Variants in SBF2 observed in about 807,000 individuals in gnomAD.
SBF2 encodes SET binding factor 2, also known as myotubularin-related protein 13.
Under a neutral mutation model 225.2 loss-of-function variants are expected in SBF2, and 112 were observed. The ratio of observed to expected loss-of-function variants is 0.50; its 90% CI spans 0.43 to 0.58. SBF2 has a LOEUF of 0.58. Among genes scored for constraint, SBF2 ranks in the 20% least tolerant of loss-of-function variants. SBF2 has a pLI of 0.00. For synonymous variants in SBF2, 763 were observed against 773.3 expected (o/e 0.99, Z 0.22); for missense variants, 1,996 against 2,206.2 (o/e 0.90, Z 1.91).
chr11:10,190,668 G>T (rs1809236872), intron 2 of SBF2, among the ~76,000 whole-genome samples: 1 of 152,124 alleles, frequency 6.6e-6, no homozygotes. Flanking sequence ...CATCAATTAT[G>T]TGTTCCCTGG....
At chr11:10,173,071 TC>T (rs1956276066) in intron 2 of SBF2, among the ~76,000 whole-genome samples, 1 of 152,262 alleles carries the variant, frequency 6.6e-6, no homozygotes, top group Non-Finnish European at 1.5e-5. Context: ...TTTATTGATG[TC>T]TAGTTCTATT....
chr11:9,845,997 T>C (rs150953140), intron 23 of SBF2, among the ~76,000 whole-genome samples: 1 of 152,320 alleles, frequency 6.6e-6, no homozygotes, highest in African/African-American at 2.4e-5. Context: ...TACAATGGGA[T>C]AGGGAATTGT....
chr11:9,865,872 A>G (rs927088994), intron 17 of SBF2, among the ~76,000 whole-genome samples: 1 of 152,078 alleles, frequency 6.6e-6, no homozygotes, highest in Non-Finnish European at 1.5e-5. Context: ...TAACTATTGT[A>G]TGGAATTCCA....
At chr11:10,301,154 C>A (rs1249589483) in intron 1 of SBF2, among the ~76,000 whole-genome samples, 1 of 152,148 alleles carries the variant, frequency 6.6e-6, no homozygotes, top group Non-Finnish European at 1.5e-5. Flanking sequence ...GGTTAACTGT[C>A]CTCCTTGCCC....
chr11:9,843,592 C>G (rs1336586279), intron 24 of SBF2, among the ~76,000 whole-genome samples: 1 of 152,194 alleles, frequency 6.6e-6, no homozygotes, highest in Non-Finnish European at 1.5e-5. Flanking sequence ...TTCTCTATCA[C>G]AAAGAACTCT....
rs576194706 is a variant in SBF2 at position 10,003,135 on chromosome 11, A to G, written c.620-446T>C. 3.2e-4 allele frequency among the ~76,000 whole-genome samples: 48 copies of G among 152,320 alleles called. No homozygotes were observed. The Middle Eastern group carries it at 0.01, about 32-fold the overall frequency. Reference sequence around the variant, plus strand: ...TCTACTTCTTGTAAACAGCATACACAAATGCTCCGCAATTTAATGATAGGG... The same window carrying G: ...TCTACTTCTTGTAAACAGCATACACGAATGCTCCGCAATTTAATGATAGGG... On this transcript the variant is annotated intron_variant, in intron 6 of 39. Transcript: ENST00000256190.
chr11:10,113,033 G>A (rs996837591), intron 2 of SBF2, among the ~76,000 whole-genome samples: 1 of 152,066 alleles, frequency 6.6e-6, no homozygotes, highest in Non-Finnish European at 1.5e-5. Context: ...TCACTCTGTT[G>A]CCCAGGCTGT....
At chr11:9,922,116 C>T (rs557094651) in intron 16 of SBF2, among the ~76,000 whole-genome samples, 6 of 151,946 alleles carry the variant, frequency 3.9e-5, no homozygotes, top group African/African-American at 7.3e-5. Flanking sequence ...CATGGTGGTG[C>T]GCACCTGCAG....
intron 2 of SBF2, among the ~76,000 whole-genome samples, chr11:10,165,347 T>A (rs1032704832): frequency 6.6e-6 from 1 of 152,174 alleles, no homozygotes; most frequent in Non-Finnish European, 1.5e-5. Context: ...TTAGATCAAC[T>A]TTACATTATC....
chr11:10,278,987 G>C (rs1386720658), intron 1 of SBF2, among the ~76,000 whole-genome samples: 1 of 150,676 alleles, frequency 6.6e-6, no homozygotes, highest in African/African-American at 2.4e-5. Context: ...TAATCTCAGC[G>C]CTTTGGGTGG....
Position 9,790,603 on chromosome 11 carries a change from T to C in SBF2, c.4651A>G (p.Arg1551Gly), listed in dbSNP as rs1268246724. The part of the protein sequence containing the change: ...IWECIDRMHK[R>G]SPIFFNYLYS... ...AAATAATTAAAGAAAATGGGACTCC[T>C]CTTGTGCATTCTGTCAATACATTCC... Residue 1551 changes from arginine to glycine, a missense_variant, in exon 34 of 40, where the codon AGG becomes GGG. Arg to Gly is a moderately radical substitution (Grantham distance 125). Transcript: ENST00000256190. 1 of 1,587,756 alleles carries C rather than the reference T, an allele frequency of 6.3e-7. No individual in the cohort carries two copies. Among genetic ancestry groups the C allele is most frequent in the Non-Finnish European group, 8.6e-7 (1 of 1,157,080 alleles).
rs7947210 is a variant in SBF2, at chr11:10,225,420, A to C, written c.56-31433T>G. ...ACCCAATTTCCTATTAAAAAAAAAA[A>C]CCCGTCGTCTAAGTGGTATAACAAT... On this transcript the variant is annotated intron_variant, in intron 1 of 39. Coordinates refer to ENST00000256190, the MANE Select transcript of SBF2 (RefSeq NM_030962.4). 2.9e-4 allele frequency among the ~76,000 whole-genome samples: 44 copies of C among 151,796 alleles called. 1 individual carries two copies. Among genetic ancestry groups the C allele is most frequent in the East Asian group, 7.7e-4 (4 of 5,178 alleles).
At chr11:10,005,073 C>T (rs1340044675) in intron 6 of SBF2, among the ~76,000 whole-genome samples, 2 of 152,164 alleles carry the variant, frequency 1.3e-5, no homozygotes, top group Non-Finnish European at 1.5e-5. Context: ...AACTGTCTCT[C>T]TAAAATAATA....
intron 13 of SBF2, among the ~76,000 whole-genome samples, chr11:9,979,751 A>G (rs1057346084): frequency 6.6e-6 from 1 of 152,110 alleles, no homozygotes; most frequent in African/African-American, 2.4e-5. Flanking sequence ...ATAATCTACA[A>G]GTAACAGTCA....
chr11:9,836,712 T>C (rs1195420535), intron 26 of SBF2, among the ~76,000 whole-genome samples: 1 of 152,198 alleles, frequency 6.6e-6, no homozygotes, highest in African/African-American at 2.4e-5. Context: ...TCTAAGAACC[T>C]GAAATATCTA....
At chr11:10,192,718 G>A (rs1442724010) in intron 2 of SBF2, among the ~76,000 whole-genome samples, 4 of 152,050 alleles carry the variant, frequency 2.6e-5, no homozygotes, top group Non-Finnish European at 4.4e-5. Context: ...GTCATACCAC[G>A]CAGCTGAGAT....
intron 6 of SBF2, among the ~76,000 whole-genome samples, chr11:10,007,592 C>T (rs1948252595): frequency 6.6e-6 from 1 of 152,136 alleles, no homozygotes; most frequent in African/African-American, 2.4e-5. Flanking sequence ...TAAAATGGAT[C>T]TAGTGATGAT....
chr11:9,780,317 G>T lies in SBF2; in HGVS notation c.*101C>A. 3 of 1,018,320 alleles carry T rather than the reference G, an allele frequency of 2.9e-6. No homozygotes were observed. The highest frequency in any genetic ancestry group is 2.5e-5 in the East Asian group (1 of 40,022). The allele number at this position is 1,018,320 out of a possible 1,614,324, so 63.1% of individuals were successfully genotyped here. Reference sequence around the variant, plus strand: ...ACTGGGCAGGAGAACCTCAGGCCCTGGGATAACTTGTTGTCAGCTCCTCAA... The same window carrying T: ...ACTGGGCAGGAGAACCTCAGGCCCTTGGATAACTTGTTGTCAGCTCCTCAA... On this transcript the variant is annotated 3_prime_UTR_variant, in exon 40 of 40. Coordinates refer to ENST00000256190, the MANE Select transcript of SBF2 (RefSeq NM_030962.4).
chr11:10,303,400 G>C lies in SBF2; in HGVS notation n.386+1092C>G, dbSNP rs942314517. 2 of 152,304 alleles carry C rather than the reference G, an allele frequency of 1.3e-5. No homozygotes were observed. The highest frequency in any genetic ancestry group is 4.8e-5 in the African/African-American group (2 of 41,440). The allele number at this position is 152,304 out of a possible 1,614,324, so 9.4% of individuals were successfully genotyped here. ...AGAGTCCTTAAATAACTTCCGCGCGGCCATTTCTTCCCCAGGTGCAATGTC... is the reference window on the plus strand; with the variant it reads ...AGAGTCCTTAAATAACTTCCGCGCGCCCATTTCTTCCCCAGGTGCAATGTC... On this transcript the variant is annotated intron_variant and non_coding_transcript_variant, in intron 1 of 5. Coordinates refer to the SBF2 transcript ENST00000685217. The surrounding 1 kb of genome is among the most constrained non-coding windows in gnomAD (Gnocchi z 5.2).
Sources: gnomAD v4.1 joint callset for allele counts (sites outside exome capture counted in the v4.1 genomes callset) on GRCh38, gnomAD v4.1.1 for gene constraint, Gnocchi (gnomAD v3.1) non-coding constraint, MANE v1.5 for transcripts, NCBI Gene and HGNC (gene_info 2026-07-23, HGNC 2026-07-21) for gene names.